SEZ6L: variants seen among roughly 807,000 people sequenced by gnomAD.
SEZ6L encodes the protein seizure 6-like protein.
A neutral mutation model predicts 106.2 loss-of-function variants in SEZ6L; 37 were observed. The observed-to-expected ratio is 0.35, with a 90% CI of 0.27 to 0.46. The LOEUF is 0.46. Among genes scored for constraint, SEZ6L ranks in the 20% least tolerant of loss-of-function variants. The probability of loss-of-function intolerance (pLI) is 1.00; values close to 1 mark genes in which losing one functional copy is unlikely to be tolerated. For synonymous variants in SEZ6L, 541 were observed against 570.4 expected (o/e 0.95, Z 0.73); for missense variants, 1,172 against 1,332.8 (o/e 0.88, Z 1.88).
At chr22:26,208,102 AGACGG>A (rs1941378864) in intron 1 of SEZ6L, among the ~76,000 whole-genome samples, 1 of 151,554 alleles carries the variant, frequency 6.6e-6, no homozygotes, top group Non-Finnish European at 1.5e-5. Flanking sequence ...TTTTTAGTAG[AGACGG>A]GGTTTCACCG....
At chr22:26,325,657 A>T (rs995458616) in intron 9 of SEZ6L, among the ~76,000 whole-genome samples, 1 of 152,154 alleles carries the variant, frequency 6.6e-6, no homozygotes, top group Admixed American at 6.5e-5. Context: ...TCTAGTCTCA[A>T]TTCTTTCACT....
chr22:26,296,379 T>C (rs77790734), intron 3 of SEZ6L, among the ~76,000 whole-genome samples: 1 of 152,212 alleles, frequency 6.6e-6, no homozygotes, highest in Non-Finnish European at 1.5e-5. Flanking sequence ...CAATCTTTTT[T>C]AAATATTTTC....
chr22:26,176,220 C>A (rs1938991938), intron 1 of SEZ6L, among the ~76,000 whole-genome samples: 1 of 152,152 alleles, frequency 6.6e-6, no homozygotes, highest in Non-Finnish European at 1.5e-5. Context: ...GGACAATGAG[C>A]GGTGGAGTCA....
rs1319436 is a variant in SEZ6L, at chr22:26,305,839, G to A, written c.1349-140G>A. 357,091 of 870,032 alleles carry A rather than the reference G, an allele frequency of 0.41. 79,359 individuals carry two copies. The highest frequency in any genetic ancestry group is 0.62 in the African/African-American group (36,219 of 58,118). 53.9% of individuals were successfully genotyped at this position (870,032 alleles called of 1,614,324 possible). A position where few individuals can be genotyped will look rare whatever the true frequency, so the allele number is the denominator to read the frequency against. ...CTCCAGGTCTCTGATGTTTCATCCTGGGCAAGGGGCAGGGGTGGGGATCAG... is the reference window on the plus strand; with the variant it reads ...CTCCAGGTCTCTGATGTTTCATCCTAGGCAAGGGGCAGGGGTGGGGATCAG... On this transcript the variant is annotated intron_variant, in intron 5 of 16. Transcript: ENST00000248933.
Position 26,245,767 on chromosome 22 carries a change from T to G in SEZ6L, c.95-46639T>G, listed in dbSNP as rs5761439. ...TCTCTTTAATCTTCCTGTTCTTATGTGTCAGATGGGGATGCTGGCTCTACA... is the reference window on the plus strand; with the variant it reads ...TCTCTTTAATCTTCCTGTTCTTATGGGTCAGATGGGGATGCTGGCTCTACA... On this transcript the variant is annotated intron_variant, in intron 1 of 16. Coordinates refer to ENST00000248933, the MANE Select transcript of SEZ6L (RefSeq NM_021115.5). Among the ~76,000 whole-genome samples the G allele has an allele frequency of 5.5e-3, 844 of 152,328 alleles. 39 individuals carry two copies. The East Asian group carries it at 0.098, about 18-fold the overall frequency.
intron 2 of SEZ6L, among the ~76,000 whole-genome samples, 197 bp from the exon 3 acceptor site, chr22:26,294,095 T>G (rs1183376067): frequency 6.6e-6 from 1 of 152,212 alleles, no homozygotes; most frequent in African/African-American, 2.4e-5. Context: ...TAGCAGGATA[T>G]AGTAAGTGAT....
rs1601485218 is a variant in SEZ6L, at chr22:26,318,133, GTGCCATCTCAGCTCACTGC to G, written c.2015+4232_2015+4250del. Reference sequence around the variant, plus strand: ...CTGTCACCCAGGCTGGAGTGCAGTGGTGCCATCTCAGCTCACTGCAACCTCCGATTCCTGGGTTCAAGCG... The same window carrying G: ...CTGTCACCCAGGCTGGAGTGCAGTGGAACCTCCGATTCCTGGGTTCAAGCG... On this transcript the variant is annotated intron_variant, in intron 9 of 16. Transcript: ENST00000248933. 1.4e-4 allele frequency among the ~76,000 whole-genome samples: 21 copies of G among 151,598 alleles called. 1 individual carries two copies. In the East Asian group the frequency reaches 4.1e-3, roughly 29 times the overall value.
At chr22:26,320,022 A>G (rs1416204291) in intron 9 of SEZ6L, among the ~76,000 whole-genome samples, 2 of 152,334 alleles carry the variant, frequency 1.3e-5, no homozygotes, top group Admixed American at 1.3e-4. Context: ...GTACAGGTTT[A>G]TTACATGACA....
intron 1 of SEZ6L, among the ~76,000 whole-genome samples, chr22:26,229,326 C>A (rs1432194793): frequency 6.6e-6 from 1 of 152,162 alleles, no homozygotes; most frequent in Non-Finnish European, 1.5e-5. Flanking sequence ...ATTATGTTAA[C>A]CTTTATTGAG....
intron 1 of SEZ6L, among the ~76,000 whole-genome samples, chr22:26,197,170 A>G (rs912338559): frequency 2.0e-5 from 3 of 149,482 alleles, no homozygotes; most frequent in African/African-American, 7.4e-5. Context: ...TTTTCTTGTT[A>G]TTTATTTCTT....
chr22:26,349,557 A>G (rs2083203126), intron 11 of SEZ6L, among the ~76,000 whole-genome samples: 1 of 152,216 alleles, frequency 6.6e-6, no homozygotes, highest in Admixed American at 6.5e-5. Context: ...GTCATCTGTC[A>G]TATGTCAATC....
chr22:26,270,939 G>A (rs1023969917), intron 1 of SEZ6L, among the ~76,000 whole-genome samples: 1 of 152,196 alleles, frequency 6.6e-6, no homozygotes, highest in African/African-American at 2.4e-5. Context: ...TAAAGAGGAA[G>A]CTGTGAGAAG....
At chr22:26,173,485 G>A (rs966916924) in intron 1 of SEZ6L, among the ~76,000 whole-genome samples, 1 of 152,184 alleles carries the variant, frequency 6.6e-6, no homozygotes, top group Non-Finnish European at 1.5e-5. Flanking sequence ...ATTACCATCA[G>A]GAATCAGAGT....
intron 2 of SEZ6L, 41 bp downstream of exon 2, chr22:26,293,187 A>C: frequency 6.8e-7 from 1 of 1,468,424 alleles, no homozygotes; most frequent in Non-Finnish European, 8.9e-7. Context: ...TGAAACAGCC[A>C]TGAGGCACTC....
rs1304712629 is a variant in SEZ6L at position 26,294,393 on chromosome 22, A to G, written c.937A>G (p.Thr313Ala). The change falls in exon 3 of 17, where the codon ACA becomes GCA. Residue 313 changes from threonine (T) to alanine (A), a missense_variant. Physicochemically the swap from Thr to Ala is moderately conservative, Grantham distance 58 (BLOSUM62 0). Transcript: ENST00000248933. ...CTTTCTGGAGTGCACATACAACGTG[A>G]CAGTCTACACTGGCTATGGGGTGGA... is the stretch of plus-strand genomic sequence containing the variant. The part of the protein sequence containing the change: ...NNFLECTYNV[T>A]VYTGYGVELQ... The G allele has an allele frequency of 6.2e-7, 1 of 1,613,944 alleles. No homozygotes were observed.
chr22:26,283,364 G>T (rs1027539427), intron 1 of SEZ6L, among the ~76,000 whole-genome samples: 1 of 152,174 alleles, frequency 6.6e-6, no homozygotes. Context: ...GTTCAGTGAG[G>T]TATATGTTTA....
chr22:26,319,581 G>A (rs553117630), intron 9 of SEZ6L, among the ~76,000 whole-genome samples: 88 of 152,246 alleles, frequency 5.8e-4, no homozygotes, highest in African/African-American at 2.1e-3. Flanking sequence ...TGTCTCCCCT[G>A]CCATTGGGAT....
intron 5 of SEZ6L, among the ~76,000 whole-genome samples, chr22:26,300,058 C>T (rs2081405972): frequency 6.6e-6 from 1 of 152,106 alleles, no homozygotes. Context: ...TTTTAGTTTC[C>T]ATTTCCCTGA....
At chr22:26,224,656 A>C (rs1285053245) in intron 1 of SEZ6L, among the ~76,000 whole-genome samples, 5 of 152,192 alleles carry the variant, frequency 3.3e-5, no homozygotes, top group Non-Finnish European at 5.9e-5. Flanking sequence ...GGGTGGTGGC[A>C]GTGGTGATGG....
Sources: gnomAD v4.1 joint callset for allele counts (sites outside exome capture counted in the v4.1 genomes callset) on GRCh38, gnomAD v4.1.1 for gene constraint, MANE v1.5 for transcripts, NCBI Gene and HGNC (gene_info 2026-07-23, HGNC 2026-07-21) for gene names.